The following CNTLN variants were observed in gnomAD, a reference collection of about 807,000 sequenced individuals.
CNTLN encodes the protein centlein.
CNTLN carries 212 observed loss-of-function variants against 180.0 expected under a neutral mutation model. The observed-to-expected ratio is 1.18, with a 90% confidence interval of 1.05 to 1.32. The LOEUF (loss-of-function observed/expected upper bound fraction) is 1.32. Among genes scored for constraint, CNTLN ranks in the 40% most tolerant of loss-of-function variants. CNTLN has a pLI of 0.00. For synonymous variants in CNTLN, 722 were observed against 563.1 expected (o/e 1.28, Z -3.99); for missense variants, 2,095 against 1,610.9 (o/e 1.30, Z -5.14).
intron 2 of CNTLN, among the ~76,000 whole-genome samples, chr9:17,200,646 T>C (rs191082196): frequency 2.0e-5 from 3 of 152,284 alleles, no homozygotes; most frequent in African/African-American, 7.2e-5. Context: ...TTGTCTATTA[T>C]TGGCATATAG....
chr9:17,513,663 C>G, the CNTLN span, among the ~76,000 whole-genome samples: 1 of 151,858 alleles, frequency 6.6e-6, no homozygotes, highest in Non-Finnish European at 1.5e-5. Flanking sequence ...TGCCACCGCA[C>G]TCCACACTCC....
intron 2 of CNTLN, among the ~76,000 whole-genome samples, chr9:17,179,546 T>G (rs1820989607): frequency 1.3e-5 from 2 of 152,234 alleles, no homozygotes; most frequent in Non-Finnish European, 2.9e-5. Flanking sequence ...CTCTGTGATT[T>G]AAATTCTTTA....
chr9:17,221,926 C>G (rs113007003), intron 2 of CNTLN, among the ~76,000 whole-genome samples: 1,793 of 152,088 alleles, frequency 0.012, 32 homozygotes, highest in African/African-American at 0.041. Flanking sequence ...CTCATATTCT[C>G]TCTTTTTATT....
intron 23 of CNTLN, among the ~76,000 whole-genome samples, chr9:17,474,798 G>T (rs1832242937): frequency 6.6e-6 from 1 of 151,824 alleles, no homozygotes; most frequent in South Asian, 2.1e-4. Flanking sequence ...AACCTGGGAG[G>T]CGGAGGTCGC....
intron 18 of CNTLN, among the ~76,000 whole-genome samples, chr9:17,445,592 A>C (rs1335871167): frequency 6.6e-6 from 1 of 152,220 alleles, no homozygotes; most frequent in Non-Finnish European, 1.5e-5. Context: ...GCTTGAAGGC[A>C]GCATGCTCCT....
intron 8 of CNTLN, among the ~76,000 whole-genome samples, chr9:17,312,963 G>C (rs1819310427): frequency 6.6e-6 from 1 of 152,016 alleles, no homozygotes; most frequent in Non-Finnish European, 1.5e-5. Flanking sequence ...TCTCCTTTGA[G>C]TTTTCTCAAT....
At chr9:17,207,273 AGC>A (rs1429183580) in intron 2 of CNTLN, among the ~76,000 whole-genome samples, 1 of 152,150 alleles carries the variant, frequency 6.6e-6, no homozygotes. Context: ...TGTGAGATAA[AGC>A]TTGTTTACCC....
chr9:17,245,219 T>C (rs1173006891), intron 5 of CNTLN, among the ~76,000 whole-genome samples: 1 of 152,172 alleles, frequency 6.6e-6, no homozygotes, highest in African/African-American at 2.4e-5. Context: ...TTTTTAGCGT[T>C]CCTTGTAGGA....
At chr9:17,148,048 T>C (rs1048191769) in intron 2 of CNTLN, among the ~76,000 whole-genome samples, 2 of 151,254 alleles carry the variant, frequency 1.3e-5, no homozygotes, top group African/African-American at 2.4e-5. Context: ...TGCTTTACTT[T>C]TTATTATGGA....
At chr9:17,334,397 C>T (rs890196533) in intron 10 of CNTLN, among the ~76,000 whole-genome samples, 1 of 147,156 alleles carries the variant, frequency 6.8e-6, no homozygotes, top group East Asian at 2.0e-4. Context: ...CCTGGGTTCT[C>T]CAGAGAAACA....
intron 2 of CNTLN, among the ~76,000 whole-genome samples, chr9:17,190,755 AATGCTGAAAATGGTAC>A: frequency 6.6e-6 from 1 of 152,296 alleles, no homozygotes; most frequent in East Asian, 1.9e-4. Context: ...AGTCTGGTGA[AATGCTGAAAATGGTAC>A]AGGAAGAAGT....
rs201345060 is a variant in CNTLN at position 17,501,830 on chromosome 9, C to T, written c.4120-721C>T. On this transcript the variant is annotated intron_variant, in intron 25 of 25. Transcript: ENST00000380647. Reference sequence around the variant, plus strand: ...TTCTAGGATTCAGAAGTAACTGGGGCTGCATTTCAGATTGTCTTTTACTTA... The same window carrying T: ...TTCTAGGATTCAGAAGTAACTGGGGTTGCATTTCAGATTGTCTTTTACTTA... Among the ~76,000 whole-genome samples, 4 of 152,116 alleles carry T rather than the reference C, an allele frequency of 2.6e-5. No homozygotes were observed. In the East Asian group the frequency reaches 7.7e-4, roughly 29 times the overall value.
chr9:17,166,027 T>C (rs1820046641), intron 2 of CNTLN, among the ~76,000 whole-genome samples: 1 of 152,122 alleles, frequency 6.6e-6, no homozygotes, highest in Admixed American at 6.6e-5. Flanking sequence ...GTGAAACAAA[T>C]GATCATAAGA....
chr9:17,392,122 C>A (rs925703981), intron 14 of CNTLN, among the ~76,000 whole-genome samples: 4 of 152,048 alleles, frequency 2.6e-5, no homozygotes, highest in Non-Finnish European at 5.9e-5. Context: ...AAAAAATTAG[C>A]CAAGTGTGAT....
chr9:17,398,364 C>T (rs1826696535), intron 15 of CNTLN, among the ~76,000 whole-genome samples: 1 of 152,058 alleles, frequency 6.6e-6, no homozygotes. Context: ...AAATCTGTCT[C>T]CCAGGCTGGC....
intron 2 of CNTLN, among the ~76,000 whole-genome samples, chr9:17,206,291 A>T (rs894880451): frequency 1.3e-5 from 2 of 152,198 alleles, no homozygotes; most frequent in Non-Finnish European, 2.9e-5. Flanking sequence ...TTGTTACTTA[A>T]ATTACACATT....
At chr9:17,345,444 C>T (rs1821803070) in intron 12 of CNTLN, among the ~76,000 whole-genome samples, 1 of 151,266 alleles carries the variant, frequency 6.6e-6, no homozygotes, top group South Asian at 2.1e-4. Context: ...CTCTGTTTCC[C>T]ATTTAATTCC....
At position 17,462,939 on chromosome 9, in the gene CNTLN, A is replaced by G. The variant is rs751895203; in HGVS notation, c.3330A>G (p.Lys1110=). The G allele has an allele frequency of 3.2e-6, 5 of 1,576,340 alleles. No homozygotes were observed. In the East Asian group the frequency reaches 1.2e-4, roughly 37 times the overall value. ...AGAATGCTACTAATGAACTCACTAA[A>G]CAGTCATCAAATGTGAAGACTTTGA... ...KLKNATNELT[K]QSSNVKTLKF... Residue 1110 remains lysine, a synonymous_variant, in exon 20 of 26, where the codon AAA becomes AAG. Coordinates refer to ENST00000380647, the MANE Select transcript of CNTLN (RefSeq NM_017738.4).
the CNTLN span, among the ~76,000 whole-genome samples, chr9:17,519,673 A>C: frequency 6.6e-6 from 1 of 152,174 alleles, no homozygotes; most frequent in Non-Finnish European, 1.5e-5. Context: ...CCGATGAAAA[A>C]TAAAATTATG....
Sources: gnomAD v4.1 joint callset for allele counts (sites outside exome capture counted in the v4.1 genomes callset) on GRCh38, gnomAD v4.1.1 for gene constraint, MANE v1.5 for transcripts, NCBI Gene and HGNC (gene_info 2026-07-23, HGNC 2026-07-21) for gene names.